ZNF594: variants seen among roughly 807,000 people sequenced by gnomAD.
The protein encoded by ZNF594 is zinc finger protein HZF18.
For synonymous variants in ZNF594, 336 were observed against 309.4 expected, an observed-to-expected ratio of 1.09 and a Z score of -0.90; for missense variants, 1,037 against 964.6, an observed-to-expected ratio of 1.08 and a Z score of -0.99.
downstream of ZNF594, among the ~76,000 whole-genome samples, chr17:5,176,880 C>A (rs1567822274): frequency 6.6e-6 from 1 of 151,878 alleles, no homozygotes; most frequent in Admixed American, 6.6e-5. Flanking sequence ...AAAAAAGCAA[C>A]AGAAACAAAT....
chr17:5,189,398 G>C (rs2074407541), intron 1 of ZNF594, among the ~76,000 whole-genome samples: 1 of 151,652 alleles, frequency 6.6e-6, no homozygotes, highest in Non-Finnish European at 1.5e-5. Flanking sequence ...CAGGCATGCT[G>C]CAGCACACAT....
In ZNF594 at chr17:5,183,525, A is replaced by C; in HGVS notation, c.732T>G (p.Cys244Trp). Residue 244 changes from cysteine (C) to tryptophan (W), a missense_variant, in exon 2 of 2, where the codon TGT (cysteine) becomes TGG (tryptophan). Coordinates refer to ENST00000575779, the MANE Select transcript of ZNF594 (RefSeq NM_032530.2). ...CTGTGCTTTGACTGAAAGCCTTCCC[A>C]CATTTATTGCATAAATATGGCTTCC... ...SRGKPYLCNK[C>W]GKAFSQSTDL... The C allele has an allele frequency of 6.2e-7, 1 of 1,614,204 alleles. No homozygotes were observed. The highest frequency in any genetic ancestry group is 8.5e-7 in the Non-Finnish European group (1 of 1,180,032).
chr17:5,175,670 A>T (rs3844577), downstream of ZNF594, among the ~76,000 whole-genome samples: 1 of 151,860 alleles, frequency 6.6e-6, no homozygotes, highest in Non-Finnish European at 1.5e-5. Context: ...ATTTTTGTGC[A>T]GATCAGGAGA....
Position 5,183,743 on chromosome 17 carries a change from T to C in ZNF594, c.514A>G (p.Ile172Val). ...KDSNQSSNLI[I>V]HQRIHTGKKP... ...TTTCCTGTATGAATTCTCTGATGTATAATAAGATTTGAACTTTGATTAGAG... is the reference window on the plus strand; with the variant it reads ...TTTCCTGTATGAATTCTCTGATGTACAATAAGATTTGAACTTTGATTAGAG... Residue 172 changes from isoleucine to valine, a missense_variant, in exon 2 of 2, where the codon ATA becomes GTA. Coordinates refer to ENST00000575779, the MANE Select transcript of ZNF594 (RefSeq NM_032530.2). 2 of 1,577,608 alleles carry C rather than the reference T, an allele frequency of 1.3e-6. No homozygotes were observed. Among genetic ancestry groups the C allele is most frequent in the Non-Finnish European group, 1.7e-6 (2 of 1,177,908 alleles).
Position 5,183,865 on chromosome 17 carries a change from T to C in ZNF594, c.392A>G (p.Glu131Gly). ...HNINKTYECK[E>G]CEKTFNRSSN... ...ACTCCTGTTGAAGGTTTTTTCACAT[T>C]CCTTACATTCATAGGTCTTATTTAT... Residue 131 changes from glutamate (E) to glycine (G), a missense_variant, in exon 2 of 2, where the codon GAA becomes GGA. Physicochemically the swap from Glu to Gly is moderately conservative, Grantham distance 98. Coordinates refer to ENST00000575779, the MANE Select transcript of ZNF594 (RefSeq NM_032530.2). 3 of 1,613,532 alleles carry C rather than the reference T, an allele frequency of 1.9e-6. No homozygotes were observed. The highest frequency in any genetic ancestry group is 2.5e-6 in the Non-Finnish European group (3 of 1,179,902).
chr17:5,183,819 C>G lies in ZNF594; in HGVS notation c.438G>C (p.Gln146His). Residue 146 changes from glutamine (Q) to histidine (H), a missense_variant, in exon 2 of 2, where the codon CAG becomes CAC. Physicochemically the swap from Gln to His is conservative, Grantham distance 24 (BLOSUM62 0). Coordinates refer to ENST00000575779, the MANE Select transcript of ZNF594 (RefSeq NM_032530.2). The part of the protein sequence containing the change: ...FNRSSNLIIH[Q>H]RIHTGNKPYV... ...ATGGCTTATTTCCTGTATGAATTCT[C>G]TGATGTATGATCAGGTTTGAACTCC... The G allele has an allele frequency of 6.2e-7, 1 of 1,614,132 alleles. No homozygotes were observed. The highest frequency in any genetic ancestry group is 8.5e-7 in the Non-Finnish European group (1 of 1,180,040).
rs747407174 is a variant in ZNF594, at chr17:5,180,972, C to A, written c.*861G>T. On this transcript the variant is annotated 3_prime_UTR_variant, in exon 2 of 2. Coordinates refer to ENST00000575779, the MANE Select transcript of ZNF594 (RefSeq NM_032530.2). ...AATAGGTCCTGTTTGTAGACTCTTA[C>A]AGTCTTCAAATTCCTTTCCAATGTG... 3 of 710,792 alleles carry A rather than the reference C, an allele frequency of 4.2e-6. No individual in the cohort carries two copies. The highest frequency in any genetic ancestry group is 7.6e-6 in the Non-Finnish European group (3 of 393,832). The allele number at this position is 710,792 out of a possible 1,614,324, so 44.0% of individuals were successfully genotyped here.
downstream of ZNF594, among the ~76,000 whole-genome samples, chr17:5,176,956 G>C (rs2074312112): frequency 1.3e-5 from 2 of 152,108 alleles, no homozygotes; most frequent in South Asian, 4.1e-4. Flanking sequence ...AGCACTTTGA[G>C]AGGCCGAGGC....
rs1371871074 is a variant in ZNF594, at chr17:5,190,585, C to G, written c.-21+1163G>C. On this transcript the variant is annotated intron_variant, in intron 1 of 1. Transcript: ENST00000575779. ...GTGAAGCTAAACAAAGAATCTATGC[C>G]TAGAGGAAGACTCACACATGAAACA... Among the ~76,000 whole-genome samples, 3 of 152,138 alleles carry G rather than the reference C, an allele frequency of 2.0e-5. 1 individual carries two copies. The highest frequency in any genetic ancestry group is 4.4e-5 in the Non-Finnish European group (3 of 68,032).
At position 5,183,764 on chromosome 17, in the gene ZNF594, TAG is replaced by T. The variant is rs1190616506; in HGVS notation, c.491_492del (p.Ser164Ter). On this transcript the variant is annotated frameshift_variant, in exon 2 of 2. Transcript: ENST00000575779. LOFTEE classifies it low-confidence loss of function (END_TRUNC). ...PYVCNECGKD[S>X]NQSSNLIIHQ... ...TGTATAATAAGATTTGAACTTTGAT[TAG>T]AGTCTTTCCCACATTCATTACACAC... 3.7e-6 allele frequency: 6 copies of T among 1,613,136 alleles called. No individual in the cohort carries two copies. Among genetic ancestry groups the T allele is most frequent in the Admixed American group, 1.7e-5 (1 of 59,990 alleles).
Position 5,183,541 on chromosome 17 carries a change from T to C in ZNF594, c.716A>G (p.Tyr239Cys), listed in dbSNP as rs1465050492. The change falls in exon 2 of 2, where the codon TAT becomes TGT. Residue 239 changes from tyrosine (Y) to cysteine (C), a missense_variant. Coordinates refer to ENST00000575779, the MANE Select transcript of ZNF594 (RefSeq NM_032530.2). ...HQRIHSRGKP[Y>C]LCNKCGKAFS... is the part of the protein sequence containing the mutation. ...AGCCTTCCCACATTTATTGCATAAA[T>C]ATGGCTTCCCCCTACTGTGGATTCT... The C allele has an allele frequency of 2.5e-6, 4 of 1,614,220 alleles. No individual in the cohort carries two copies. The highest frequency in any genetic ancestry group is 3.4e-6 in the Non-Finnish European group (4 of 1,180,042).
At chr17:5,176,041 C>T (rs139459039), downstream of ZNF594, among the ~76,000 whole-genome samples, 119 of 152,240 alleles carry the variant, frequency 7.8e-4, 1 homozygote, top group East Asian at 0.018. Context: ...GCTACACCGA[C>T]GCTAAAAGAG....
Position 5,184,027 on chromosome 17 carries a change from A to G in ZNF594, c.230T>C (p.Ile77Thr), listed in dbSNP as rs542393466. The G allele has an allele frequency of 6.2e-6, 10 of 1,614,102 alleles. No individual in the cohort carries two copies. Among genetic ancestry groups the G allele is most frequent in the South Asian group, 3.3e-5 (3 of 91,072 alleles). ...ACATCCATGGCCAATCTCTCCCACAATGGCTTTCTGGGGGATAATATGCAT... is the reference window on the plus strand; with the variant it reads ...ACATCCATGGCCAATCTCTCCCACAGTGGCTTTCTGGGGGATAATATGCAT... ...REMHIIPQKA[I>T]VGEIGHGCNE... The change falls in exon 2 of 2, where the codon ATT (isoleucine) becomes ACT (threonine). Residue 77 changes from isoleucine to threonine, a missense_variant. Coordinates refer to ENST00000575779, the MANE Select transcript of ZNF594 (RefSeq NM_032530.2).
In ZNF594 at chr17:5,182,078, G is replaced by A. The variant is rs769524540; in HGVS notation, c.2179C>T (p.Gln727Ter). ...AGTTTCTCTCCAGCATGCAGTCTCT[G>A]ATGTTTGAGGAAAGCCGTGTGCCAC... ...FMWHTAFLKHQRLHAGEKLEE... is the reference protein window; with the variant it reads ...FMWHTAFLKH The change falls in exon 2 of 2, where the codon CAG becomes TAG. Residue 727 changes from glutamine (Q) to a stop codon, truncating the protein, a stop_gained. Coordinates refer to ENST00000575779, the MANE Select transcript of ZNF594 (RefSeq NM_032530.2). LOFTEE classifies it low-confidence loss of function (END_TRUNC). 3.7e-5 allele frequency: 59 copies of A among 1,613,590 alleles called. 1 individual carries two copies. In the Middle Eastern group the frequency reaches 6.6e-4, roughly 18 times the overall value.
chr17:5,176,721 TAGAG>T (rs1348855531), downstream of ZNF594, among the ~76,000 whole-genome samples: 31 of 151,598 alleles, frequency 2.0e-4, no homozygotes, highest in Non-Finnish European at 5.9e-5. Flanking sequence ...AATCCCTGCT[TAGAG>T]AGAAATTTAC....
In ZNF594 at chr17:5,182,159, T is replaced by G. The variant is rs756012255; in HGVS notation, c.2098A>C (p.Arg700=). ...RRRSLLIQHR[R]LHSGEKPYEC... is the part of the protein sequence containing the mutation. ...TAGGGTTTCTCACCACTATGAAGTC[T>G]CCGATGTTGAATAAGGAGGGAACGC... Residue 700 remains arginine (R), a synonymous_variant, in exon 2 of 2, where the codon AGA becomes CGA. Coordinates refer to ENST00000575779, the MANE Select transcript of ZNF594 (RefSeq NM_032530.2). The G allele has an allele frequency of 8.7e-6, 14 of 1,613,602 alleles. No individual in the cohort carries two copies. The East Asian group carries it at 3.1e-4, about 36-fold the overall frequency.
rs1567823700 is a variant in ZNF594 at position 5,180,943 on chromosome 17, T to C, written c.*890A>G. On this transcript the variant is annotated 3_prime_UTR_variant, in exon 2 of 2. Coordinates refer to ENST00000575779, the MANE Select transcript of ZNF594 (RefSeq NM_032530.2). ...GCATTCATTAGGTTTCTGCTACCTATTAGAATAGGTCCTGTTTGTAGACTC... is the reference window on the plus strand; with the variant it reads ...GCATTCATTAGGTTTCTGCTACCTACTAGAATAGGTCCTGTTTGTAGACTC... 5.9e-6 allele frequency: 4 copies of C among 678,992 alleles called. No individual in the cohort carries two copies. The highest frequency in any genetic ancestry group is 1.1e-5 in the Non-Finnish European group (4 of 371,816). The allele number at this position is 678,992 out of a possible 1,614,324, so 42.1% of individuals were successfully genotyped here. A position where few individuals can be genotyped will look rare whatever the true frequency, so the allele number is the denominator to read the frequency against.
downstream of ZNF594, among the ~76,000 whole-genome samples, chr17:5,176,182 G>A (rs748531992): frequency 2.0e-5 from 3 of 152,124 alleles, no homozygotes; most frequent in Non-Finnish European, 4.4e-5. Context: ...GATCACCTAA[G>A]GTTGAGAGTT....
At position 5,181,170 on chromosome 17, in the gene ZNF594, C is replaced by T. The variant is rs749861604; in HGVS notation, c.*663G>A. ...ATAGGGTTTCTCTCCAGTATGAACACGATGGTGTCTAATAAGATCTGAGCT... is the reference window on the plus strand; with the variant it reads ...ATAGGGTTTCTCTCCAGTATGAACATGATGGTGTCTAATAAGATCTGAGCT... On this transcript the variant is annotated 3_prime_UTR_variant, in exon 2 of 2. Coordinates refer to ENST00000575779, the MANE Select transcript of ZNF594 (RefSeq NM_032530.2). 1.7e-5 allele frequency: 27 copies of T among 1,609,788 alleles called. No homozygotes were observed. The highest frequency in any genetic ancestry group is 1.1e-4 in the East Asian group (5 of 44,880).
Sources: allele counts gnomAD v4.1 joint callset (sites outside exome capture counted in the v4.1 genomes callset), GRCh38; gene constraint gnomAD v4.1.1; transcripts MANE v1.5; gene names NCBI Gene and HGNC (gene_info 2026-07-23, HGNC 2026-07-21).